NEIL3: variants seen among roughly 807,000 people sequenced by gnomAD.
NEIL3 encodes endonuclease 8-like 3.
NEIL3 carries 48 observed loss-of-function variants against 57.5 expected under a neutral mutation model. The ratio of observed to expected loss-of-function variants is 0.83; its 90% CI spans 0.66 to 1.06. The LOEUF (loss-of-function observed/expected upper bound fraction) is 1.06. Ranked by LOEUF, NEIL3 falls within the 50% of genes least tolerant of loss-of-function variation. The pLI is 0.00. For synonymous variants in NEIL3, 261 were observed against 253.2 expected, an observed-to-expected ratio of 1.03 and a Z score of -0.29; for missense variants, 717 against 739.1, an observed-to-expected ratio of 0.97 and a Z score of 0.35.
the NEIL3 span, among the ~76,000 whole-genome samples, chr4:177,369,400 A>T: frequency 6.6e-6 from 1 of 152,168 alleles, no homozygotes; most frequent in African/African-American, 2.4e-5. Flanking sequence ...TGGGGAGATA[A>T]ATGCGTAAAA....
At chr4:177,365,471 C>T (rs1735681231), downstream of NEIL3, among the ~76,000 whole-genome samples, 1 of 152,148 alleles carries the variant, frequency 6.6e-6, no homozygotes, top group African/African-American at 2.4e-5. Flanking sequence ...CAATATGAAA[C>T]ATTTGCAAAC....
At chr4:177,363,427 A>G (rs1310930963), downstream of NEIL3, among the ~76,000 whole-genome samples, 1 of 152,200 alleles carries the variant, frequency 6.6e-6, no homozygotes, top group African/African-American at 2.4e-5. Context: ...TCTACACTGA[A>G]AAGACAGGAC....
intron 1 of NEIL3, among the ~76,000 whole-genome samples, chr4:177,319,796 G>A (rs994210224): frequency 5.9e-5 from 9 of 152,150 alleles, no homozygotes. Flanking sequence ...GTGTGTGTGT[G>A]TAAAATGGGA....
At chr4:177,353,225 T>TTTAATCA in intron 7 of NEIL3, 83 bp from the exon 8 acceptor site, 1 of 1,232,056 alleles carries the variant, frequency 8.1e-7, no homozygotes, top group Non-Finnish European at 1.2e-6. Context: ...AAGTAAATTT[T>TTTAATCA]TTAATCAAAT....
chr4:177,362,248 A>G, intron 9 of NEIL3, 41 bp from the exon 10 acceptor site: 1 of 1,528,012 alleles, frequency 6.5e-7, no homozygotes, highest in East Asian at 2.3e-5. Context: ...CATCATGATA[A>G]CTTTTGTATA....
At chr4:177,368,319 G>A in the NEIL3 span, among the ~76,000 whole-genome samples, 14 of 151,920 alleles carry the variant, frequency 9.2e-5, no homozygotes, top group South Asian at 6.2e-4. Context: ...AAAATCCACC[G>A]TTTTCATGTA....
At chr4:177,348,035 TAG>T in intron 6 of NEIL3, among the ~76,000 whole-genome samples, 1 of 152,326 alleles carries the variant, frequency 6.6e-6, no homozygotes, top group South Asian at 2.1e-4. Flanking sequence ...TGGCTGTTGA[TAG>T]TGACACATCT....
intron 8 of NEIL3, chr4:177,353,930 T>C (rs1735419873): frequency 3.8e-6 from 2 of 529,792 alleles, no homozygotes; most frequent in East Asian, 3.3e-5. Flanking sequence ...CAGGCCCGAC[T>C]AATTTTTGTA....
chr4:177,369,730 C>T, the NEIL3 span, among the ~76,000 whole-genome samples: 17 of 152,130 alleles, frequency 1.1e-4, no homozygotes, highest in African/African-American at 2.9e-4. Flanking sequence ...CTTGACCATA[C>T]GACCTCGATC....
the NEIL3 span, among the ~76,000 whole-genome samples, chr4:177,370,589 G>A: frequency 6.6e-6 from 1 of 152,078 alleles, no homozygotes; most frequent in African/African-American, 2.4e-5. Context: ...AGTAATGAGG[G>A]AGGAAAAAAG....
intron 2 of NEIL3, among the ~76,000 whole-genome samples, chr4:177,326,440 A>G (rs373387428): frequency 1.3e-5 from 2 of 152,094 alleles, no homozygotes; most frequent in Admixed American, 6.5e-5. Context: ...CCTTTCACCA[A>G]TAATACACTG....
At chr4:177,359,854 A>G (rs927680591) in intron 8 of NEIL3, among the ~76,000 whole-genome samples, 4 of 152,218 alleles carry the variant, frequency 2.6e-5, no homozygotes, top group African/African-American at 9.6e-5. Flanking sequence ...GCAACCTCCA[A>G]ATACTCTTGA....
chr4:177,369,504 C>T, the NEIL3 span, among the ~76,000 whole-genome samples: 1 of 152,084 alleles, frequency 6.6e-6, no homozygotes, highest in Non-Finnish European at 1.5e-5. Context: ...TCACTCTCTC[C>T]TTAAGGAGCC....
Position 177,360,698 on chromosome 4 carries a change from G to C in NEIL3, c.1635+21G>C, listed in dbSNP as rs774241707. 19 of 1,546,914 alleles carry C rather than the reference G, an allele frequency of 1.2e-5. No individual in the cohort carries two copies. In the East Asian group the frequency reaches 4.3e-4, roughly 35 times the overall value. ...TTGAAGTATGTGTAAGATTTATCTA[G>C]CTTACTAAAATGTAATTAAATGCTT... On this transcript the variant is annotated intron_variant, in intron 9 of 9. Coordinates refer to ENST00000264596, the MANE Select transcript of NEIL3 (RefSeq NM_018248.3).
Position 177,362,525 on chromosome 4 carries a change from C to T in NEIL3, c.*54C>T. The stretch of plus-strand genomic sequence containing the variant: ...CTTCAAACTGTGTATAATGTTTGGT[C>T]CTCCTCTGTTTCATAGAAAAGTCAT... On this transcript the variant is annotated 3_prime_UTR_variant, in exon 10 of 10. Coordinates refer to ENST00000264596, the MANE Select transcript of NEIL3 (RefSeq NM_018248.3). The T allele has an allele frequency of 1.5e-6, 2 of 1,340,254 alleles. No individual in the cohort carries two copies. Among genetic ancestry groups the T allele is most frequent in the Non-Finnish European group, 2.1e-6 (2 of 973,892 alleles). 83.0% of individuals were successfully genotyped at this position (1,340,254 alleles called of 1,614,324 possible).
chr4:177,353,893 G>A, intron 8 of NEIL3, 165 bp downstream of exon 8: 1 of 621,950 alleles, frequency 1.6e-6, no homozygotes, highest in Admixed American at 3.2e-5. Flanking sequence ...AGCCTCCCAA[G>A]TAGCTGAGAT....
At chr4:177,318,440 A>G (rs1734614101) in intron 1 of NEIL3, among the ~76,000 whole-genome samples, 1 of 152,226 alleles carries the variant, frequency 6.6e-6, no homozygotes, top group Admixed American at 6.5e-5. Flanking sequence ...TCAATGGGGC[A>G]GTGCTGCTGA....
chr4:177,363,739 C>A (rs1735653245), downstream of NEIL3, among the ~76,000 whole-genome samples: 1 of 152,008 alleles, frequency 6.6e-6, no homozygotes, highest in African/African-American at 2.4e-5. Flanking sequence ...AAGAAATGTA[C>A]AGGATCTATA....
In NEIL3 at chr4:177,351,544, C is replaced by G. The variant is rs769900255; in HGVS notation, c.1034C>G (p.Pro345Arg). The G allele has an allele frequency of 3.1e-6, 5 of 1,609,020 alleles. No homozygotes were observed. The Admixed American group carries it at 6.8e-5, about 22-fold the overall frequency. ...KACDACLTSR[P>R]IDSVLKSEEN... ...TGTGATGCTTGCTTGACCTCAAGGC[C>G]TATTGGTAAGACTGAATTTTGATTT... The change falls in exon 7 of 10, where the codon CCT (proline) becomes CGT (arginine). Residue 345 changes from proline (P) to arginine (R), a missense_variant. By Grantham distance (103) the Pro-to-Arg change is moderately radical (BLOSUM62 -2). Coordinates refer to ENST00000264596, the MANE Select transcript of NEIL3 (RefSeq NM_018248.3).
Sources: gnomAD v4.1 joint callset for allele counts (sites outside exome capture counted in the v4.1 genomes callset) on GRCh38, gnomAD v4.1.1 for gene constraint, MANE v1.5 for transcripts, NCBI Gene and HGNC (gene_info 2026-07-23, HGNC 2026-07-21) for gene names.